MACROD2: variants seen among roughly 807,000 people sequenced by gnomAD.
MACROD2 encodes ADP-ribose glycohydrolase MACROD2.
Under a neutral mutation model 70.4 loss-of-function variants are expected in MACROD2, and 36 were observed. That is an observed-to-expected ratio of 0.51 (90% confidence interval 0.39 to 0.68). The LOEUF (loss-of-function observed/expected upper bound fraction) is 0.68, where lower values mean the gene tolerates loss of function less well. Ranked by LOEUF, MACROD2 falls within the 30% of genes least tolerant of loss-of-function variation. MACROD2 has a pLI of 0.00. For missense variants in MACROD2, 496 were observed against 538.4 expected, an observed-to-expected ratio of 0.92 and a Z score of 0.78; for synonymous variants, 172 against 178.8, an observed-to-expected ratio of 0.96 and a Z score of 0.30.
chr20:14,561,144 A>G (rs940595220), intron 4 of MACROD2, among the ~76,000 whole-genome samples: 5 of 151,828 alleles, frequency 3.3e-5, no homozygotes, highest in Admixed American at 3.3e-4. Context: ...AGAATTCGTA[A>G]TACTGCATGT....
intron 5 of MACROD2, among the ~76,000 whole-genome samples, chr20:14,822,684 T>C (rs563083022): frequency 4.6e-5 from 7 of 152,254 alleles, no homozygotes; most frequent in Non-Finnish European, 1.0e-4. Context: ...ATTTCAGTTA[T>C]AAAACACGCT....
chr20:14,974,848 A>G (rs1328137892), intron 5 of MACROD2, among the ~76,000 whole-genome samples: 2 of 152,148 alleles, frequency 1.3e-5, no homozygotes, highest in Non-Finnish European at 2.9e-5. Context: ...TGTGGATGCC[A>G]TGCAGACTGT....
At chr20:16,025,384 A>T (rs2067063481) in intron 15 of MACROD2, among the ~76,000 whole-genome samples, 1 of 152,266 alleles carries the variant, frequency 6.6e-6, no homozygotes, top group Non-Finnish European at 1.5e-5. Context: ...TGTTGTCAAC[A>T]TTCTGAAAAA....
chr20:15,540,757 G>C (rs1468485099), intron 8 of MACROD2, among the ~76,000 whole-genome samples: 2 of 152,182 alleles, frequency 1.3e-5, no homozygotes, highest in Non-Finnish European at 2.9e-5. Flanking sequence ...TGAGAATAGA[G>C]TCGGTTCCAT....
intron 3 of MACROD2, among the ~76,000 whole-genome samples, chr20:14,467,773 T>G (rs1311091277): frequency 6.6e-6 from 1 of 152,156 alleles, no homozygotes; most frequent in Non-Finnish European, 1.5e-5. Context: ...CCCTAAACAC[T>G]GCTTTAGCTG....
At chr20:15,143,792 G>A (rs2076209816) in intron 5 of MACROD2, among the ~76,000 whole-genome samples, 1 of 151,372 alleles carries the variant, frequency 6.6e-6, no homozygotes, top group Non-Finnish European at 1.5e-5. Context: ...GTATTTTGAT[G>A]AATCATATTC....
At chr20:15,009,848 C>T (rs2075068516) in intron 5 of MACROD2, among the ~76,000 whole-genome samples, 1 of 149,938 alleles carries the variant, frequency 6.7e-6, no homozygotes, top group African/African-American at 2.5e-5. Context: ...AATTTATCTC[C>T]TGCCTTCCAA....
intron 5 of MACROD2, among the ~76,000 whole-genome samples, chr20:15,190,770 G>A (rs1403820779): frequency 6.6e-6 from 1 of 152,102 alleles, no homozygotes; most frequent in Non-Finnish European, 1.5e-5. Context: ...TGCAGGAAAA[G>A]CCAGGCAAGG....
intron 15 of MACROD2, among the ~76,000 whole-genome samples, chr20:16,000,709 C>T (rs1428832114): frequency 6.6e-6 from 1 of 152,184 alleles, no homozygotes; most frequent in Non-Finnish European, 1.5e-5. Context: ...GTCAGACTTG[C>T]ATTATGACTG....
chr20:15,931,078 C>A (rs1396428723), intron 10 of MACROD2, among the ~76,000 whole-genome samples: 1 of 152,176 alleles, frequency 6.6e-6, no homozygotes, highest in African/African-American at 2.4e-5. Flanking sequence ...GAGAAGCTGG[C>A]AGATTTTTCC....
intron 3 of MACROD2, among the ~76,000 whole-genome samples, chr20:14,341,562 C>G (rs931924106): frequency 1.3e-5 from 2 of 152,148 alleles, no homozygotes; most frequent in African/African-American, 4.8e-5. Context: ...CCACTTGAAC[C>G]CAGGAGGTGG....
intron 6 of MACROD2, among the ~76,000 whole-genome samples, chr20:15,292,567 C>A (rs1432990018): frequency 6.6e-6 from 1 of 152,148 alleles, no homozygotes; most frequent in African/African-American, 2.4e-5. Context: ...GAATATGTAA[C>A]AATTCAAATG....
intron 3 of MACROD2, among the ~76,000 whole-genome samples, chr20:14,163,232 G>A (rs1357920269): frequency 1.3e-5 from 2 of 152,062 alleles, no homozygotes; most frequent in Non-Finnish European, 2.9e-5. Context: ...AGTATACATG[G>A]CTGTCAGTTT....
At chr20:15,840,093 A>G (rs1433657624) in intron 8 of MACROD2, among the ~76,000 whole-genome samples, 2 of 152,042 alleles carry the variant, frequency 1.3e-5, no homozygotes, top group Non-Finnish European at 2.9e-5. Context: ...CACTCCTAAA[A>G]TTTTCTGTGG....
intron 8 of MACROD2, among the ~76,000 whole-genome samples, chr20:15,606,457 T>G (rs767910184): frequency 2.7e-4 from 41 of 152,210 alleles, no homozygotes; most frequent in Non-Finnish European, 5.4e-4. Context: ...TCAGCCTTCC[T>G]GTGGGTCTGG....
At chr20:14,023,006 G>A (rs538869904) in intron 2 of MACROD2, among the ~76,000 whole-genome samples, 3 of 152,150 alleles carry the variant, frequency 2.0e-5, no homozygotes, top group South Asian at 4.2e-4. Context: ...TTGAGGAATC[G>A]CCACACTGTC....
intron 5 of MACROD2, among the ~76,000 whole-genome samples, chr20:14,720,536 CTTTTTTTTTTTTTTTTTT>C (rs753673265): frequency 2.8e-4 from 10 of 35,946 alleles, no homozygotes; most frequent in East Asian, 1.3e-3. Context: ...TGCCCCACAA[CTTTTTTTTTTTTTTTTTT>C]TTTTTTTTTT....
intron 8 of MACROD2, among the ~76,000 whole-genome samples, chr20:15,807,842 T>C (rs958760241): frequency 6.6e-6 from 1 of 152,138 alleles, no homozygotes; most frequent in Admixed American, 6.5e-5. Flanking sequence ...CCTTATATTG[T>C]CTTATGCCCA....
intron 8 of MACROD2, among the ~76,000 whole-genome samples, chr20:15,825,883 T>A (rs1274135144): frequency 6.6e-6 from 1 of 152,130 alleles, no homozygotes; most frequent in East Asian, 1.9e-4. Flanking sequence ...AAAGTTGAGA[T>A]TCATGAAGAG....
Sources: gnomAD v4.1 joint callset for allele counts (sites outside exome capture counted in the v4.1 genomes callset) on GRCh38, gnomAD v4.1.1 for gene constraint, MANE v1.5 for transcripts, NCBI Gene and HGNC (gene_info 2026-07-23, HGNC 2026-07-21) for gene names.